Variants in GCN1 observed in about 807,000 individuals in gnomAD.
GCN1 encodes the protein GCN1 activator of EIF2AK4.
GCN1 carries 90 observed loss-of-function variants against 288.4 expected under a neutral mutation model. That is an observed-to-expected ratio of 0.31 (90% CI 0.26 to 0.37). The LOEUF (loss-of-function observed/expected upper bound fraction) is 0.37. Among genes scored for constraint, GCN1 ranks in the 10% least tolerant of loss-of-function variants. The pLI is 1.00. For missense variants in GCN1, 2,586 were observed against 3,419.9 expected (o/e 0.76, Z 6.08); for synonymous variants, 1,386 against 1,420.2 (o/e 0.98, Z 0.54).
Position 120,162,895 on chromosome 12 carries a change from G to T in GCN1, c.2115C>A (p.His705Gln). The stretch of plus-strand genomic sequence containing the variant: ...TCATCCTGGGAATGATCTGATCCAG[G>T]TGCCTGGTGATAAAGGCTTCAGGAT... ...KIDPEAFITRHLDQIIPRMTT... is the reference protein window; with the variant it reads ...KIDPEAFITRQLDQIIPRMTT... The change falls in exon 20 of 58, where the codon CAC becomes CAA. Residue 705 changes from histidine (H) to glutamine (Q), a missense_variant. This residue lies in a region of GCN1 where 913 missense variants were observed against 1,107.0 expected (regional missense o/e 0.82). Coordinates refer to ENST00000300648, the MANE Select transcript of GCN1 (RefSeq NM_006836.2). The T allele has an allele frequency of 6.2e-7, 1 of 1,614,152 alleles. No individual in the cohort carries two copies. Among genetic ancestry groups the T allele is most frequent in the Non-Finnish European group, 8.5e-7 (1 of 1,180,000 alleles).
Position 120,144,856 on chromosome 12 carries a change from A to G in GCN1, c.5156-21T>C. ...CAACCCTGCAACAAAGGACAGAATG[A>G]GTCCACTGGATCTGAGGGCCCCTTA... On this transcript the variant is annotated intron_variant, in intron 40 of 57. Coordinates refer to ENST00000300648, the MANE Select transcript of GCN1 (RefSeq NM_006836.2). This position sits in a 1 kb window ranked among gnomAD's most constrained non-coding sequence, Gnocchi z 4.7. 6.2e-7 allele frequency: 1 copy of G among 1,614,066 alleles called. No individual in the cohort carries two copies. Among genetic ancestry groups the G allele is most frequent in the Non-Finnish European group, 8.5e-7 (1 of 1,179,892 alleles).
intron 16 of GCN1, among the ~76,000 whole-genome samples, chr12:120,165,023 A>ACACACACG (rs1259598723): frequency 4.8e-5 from 7 of 145,970 alleles, no homozygotes; most frequent in African/African-American, 1.8e-4. Context: ...ACACACACAC[A>ACACACACG]CACACACACA....
At position 120,173,634 on chromosome 12, in the gene GCN1, G is replaced by C. The variant is rs578046775; in HGVS notation, c.1366+19C>G. On this transcript the variant is annotated intron_variant, in intron 14 of 57. Coordinates refer to ENST00000300648, the MANE Select transcript of GCN1 (RefSeq NM_006836.2). ...CCTCTGCAAGGAGACCTGGACACTA[G>C]CCCTGGGAGTTGTCTTACCCCGGTA... 1 of 1,515,302 alleles carries C rather than the reference G, an allele frequency of 6.6e-7. No homozygotes were observed. Among genetic ancestry groups the C allele is most frequent in the East Asian group, 2.2e-5 (1 of 44,448 alleles). 93.9% of individuals were successfully genotyped at this position (1,515,302 alleles called of 1,614,324 possible).
Position 120,153,897 on chromosome 12 carries a change from C to A in GCN1, c.3714G>T (p.Ala1238=). 1 of 1,613,654 alleles carries A rather than the reference C, an allele frequency of 6.2e-7. No individual in the cohort carries two copies. Among genetic ancestry groups the A allele is most frequent in the Non-Finnish European group, 8.5e-7 (1 of 1,179,756 alleles). The change falls in exon 32 of 58, where the codon GCG becomes GCT. Residue 1238 remains alanine, a synonymous_variant. Transcript: ENST00000300648. This position sits in a 1 kb window ranked among gnomAD's most constrained non-coding sequence, Gnocchi z 4.4. ...PDQWEARCGL[A]LALNKLSQYL... ...ACTGGGAGAGCTTGTTGAGGGCCAACGCCAAGCCACACCTGGGAAAGAAGT... is the reference window on the plus strand; with the variant it reads ...ACTGGGAGAGCTTGTTGAGGGCCAAAGCCAAGCCACACCTGGGAAAGAAGT...
At position 120,149,810 on chromosome 12, in the gene GCN1, A is replaced by G. The variant is rs138495617; in HGVS notation, c.4432-90T>C. On this transcript the variant is annotated intron_variant, in intron 35 of 57. Coordinates refer to ENST00000300648, the MANE Select transcript of GCN1 (RefSeq NM_006836.2). ...AGTCCTAGCGTTCCTCCTATAACCAACGCTTACTGGGGTTCTATTATGTCA... is the reference window on the plus strand; with the variant it reads ...AGTCCTAGCGTTCCTCCTATAACCAGCGCTTACTGGGGTTCTATTATGTCA... 12 of 1,528,346 alleles carry G rather than the reference A, an allele frequency of 7.9e-6. No individual in the cohort carries two copies. In the African/African-American group the frequency reaches 1.5e-4, roughly 19 times the overall value. 94.7% of individuals were successfully genotyped at this position (1,528,346 alleles called of 1,614,324 possible). A position where few individuals can be genotyped will look rare whatever the true frequency, so the allele number is the denominator to read the frequency against.
intron 2 of GCN1, among the ~76,000 whole-genome samples, chr12:120,187,575 A>T (rs1271770622): frequency 6.6e-6 from 1 of 151,884 alleles, no homozygotes; most frequent in East Asian, 1.9e-4. Flanking sequence ...TCGTTAAAAC[A>T]CAAATGCTGG....
Position 120,144,815 on chromosome 12 carries a change from CG to C in GCN1, c.5175del (p.Gly1726ValfsTer10). On this transcript the variant is annotated frameshift_variant, in exon 41 of 58. Transcript: ENST00000300648. LOFTEE classifies it high-confidence loss of function. The surrounding 1 kb of genome is among the most constrained non-coding windows in gnomAD (Gnocchi z 4.7). ...TTCTCCAACTTCTCCACCCCCAAAC[CG>C]GCCATGACCTCAGCCAACCCTGCAA... ...GAAQGLAEVM[A>X]GLGVEKLEKL... 6.2e-7 allele frequency: 1 copy of C among 1,614,156 alleles called. No homozygotes were observed. Among genetic ancestry groups the C allele is most frequent in the Non-Finnish European group, 8.5e-7 (1 of 1,180,010 alleles).
chr12:120,169,566 C>T (rs1878252610), intron 15 of GCN1, among the ~76,000 whole-genome samples: 1 of 152,126 alleles, frequency 6.6e-6, no homozygotes. Context: ...TGCAGTGGAG[C>T]AATCCCAGCT....
chr12:120,141,163 TA>T (rs1877183008), intron 44 of GCN1, 140 bp from the exon 45 acceptor site: 2 of 703,346 alleles, frequency 2.8e-6, no homozygotes, highest in Non-Finnish European at 4.8e-6. Flanking sequence ...CTCTTACCCC[TA>T]AAGAGCCCCC....
At chr12:120,169,822 G>C (rs1395313694) in intron 15 of GCN1, among the ~76,000 whole-genome samples, 1 of 152,224 alleles carries the variant, frequency 6.6e-6, no homozygotes, top group Non-Finnish European at 1.5e-5. Context: ...GGAAAAGACA[G>C]GGCTAAGGGG....
rs75805938 is a variant in GCN1, at chr12:120,174,107, C to T, written c.1156G>A (p.Val386Met). The change falls in exon 13 of 58, where the codon GTG (valine) becomes ATG (methionine). Residue 386 changes from valine to methionine, a missense_variant. Transcript: ENST00000300648. ...AGGAACGGGATGAACAGCTCAGCCA[C>T]GATCCCATTCAGGACCTGACTGGAA... ...GPSSQVLNGIVAELFIPFLQQ... is the reference protein window; with the variant it reads ...GPSSQVLNGIMAELFIPFLQQ... 211 of 1,608,014 alleles carry T rather than the reference C, an allele frequency of 1.3e-4. No homozygotes were observed. In the African/African-American group the frequency reaches 2.2e-3, roughly 17 times the overall value.
intron 33 of GCN1, 50 bp from the exon 34 acceptor site, chr12:120,151,441 A>G (rs1246309962): frequency 3.1e-6 from 5 of 1,600,920 alleles, no homozygotes; most frequent in Non-Finnish European, 4.3e-6. Flanking sequence ...CAGCCGTTTC[A>G]TGGTTGGTGG....
chr12:120,162,107 G>C (rs765136551), intron 20 of GCN1, 49 bp from the exon 21 acceptor site: 196 of 1,515,574 alleles, frequency 1.3e-4, no homozygotes, highest in Non-Finnish European at 1.7e-4. Flanking sequence ...GCTGGCACTG[G>C]CAAGAGGTCC....
intron 36 of GCN1, among the ~76,000 whole-genome samples, chr12:120,148,936 C>T (rs1211953641): frequency 1.3e-5 from 2 of 151,976 alleles, no homozygotes; most frequent in East Asian, 3.9e-4. Context: ...CCTTCCACTT[C>T]AGCCTCCTGA....
At position 120,137,966 on chromosome 12, in the gene GCN1, C is replaced by G; in HGVS notation, c.6328G>C (p.Gly2110Arg). 1 of 1,614,186 alleles carries G rather than the reference C, an allele frequency of 6.2e-7. No individual in the cohort carries two copies. Among genetic ancestry groups the G allele is most frequent in the Admixed American group, 1.7e-5 (1 of 60,022 alleles). The change falls in exon 48 of 58, where the codon GGC becomes CGC. Residue 2110 changes from glycine (G) to arginine (R), a missense_variant. Physicochemically the swap from Gly to Arg is moderately radical, Grantham distance 125 (BLOSUM62 -2). Transcript: ENST00000300648. The surrounding 1 kb of genome is among the most constrained non-coding windows in gnomAD (Gnocchi z 5.2). ...AGCATGACCGCTGGGAGGATCACGC[C>G]AAGATGACGGGTGAGGGCATCACCA... ...VAGDALTRHL[G>R]VILPAVMLAL...
At chr12:120,161,626 G>C in intron 21 of GCN1, 43 bp from the exon 22 acceptor site, 1 of 1,428,152 alleles carries the variant, frequency 7.0e-7, no homozygotes, top group Non-Finnish European at 9.9e-7. Context: ...GAAAAGCACC[G>C]CAAGTCCTGT....
chr12:120,132,639 C>T (rs1876866990), intron 53 of GCN1, among the ~76,000 whole-genome samples: 1 of 152,234 alleles, frequency 6.6e-6, no homozygotes, highest in African/African-American at 2.4e-5. Context: ...ACTTCCTGTT[C>T]AAATCAGAGC....
At chr12:120,193,369 G>A (rs907863514) in intron 1 of GCN1, among the ~76,000 whole-genome samples, 3 of 151,986 alleles carry the variant, frequency 2.0e-5, no homozygotes, top group Non-Finnish European at 4.4e-5. Context: ...GCAGTGGTGC[G>A]ATCTCAGCTC....
In GCN1 at chr12:120,137,269, T is replaced by C. The variant is rs1877038601; in HGVS notation, c.6714A>G (p.Glu2238=). 3.1e-6 allele frequency: 5 copies of C among 1,614,172 alleles called. No homozygotes were observed. Among genetic ancestry groups the C allele is most frequent in the Non-Finnish European group, 3.4e-6 (4 of 1,180,022 alleles). The change falls in exon 50 of 58, where the codon GAA becomes GAG. Residue 2238 remains glutamate, a synonymous_variant. Coordinates refer to ENST00000300648, the MANE Select transcript of GCN1 (RefSeq NM_006836.2). The surrounding 1 kb of genome is among the most constrained non-coding windows in gnomAD (Gnocchi z 5.2). ...QLALIEELHK[E]IRLIGNESKG... ...TGCTCTCGTTCCCTATGAGCCGGAT[T>C]TCCTTGTGCAGCTCTTCAATGAGTG...
Sources: allele counts gnomAD v4.1 joint callset (sites outside exome capture counted in the v4.1 genomes callset), GRCh38; gene constraint gnomAD v4.1.1; regional missense constraint gnomAD v4.1.1; non-coding constraint Gnocchi (gnomAD v3.1); transcripts MANE v1.5; gene names NCBI Gene and HGNC (gene_info 2026-07-23, HGNC 2026-07-21).